Variants in NRXN3 observed in about 807,000 individuals in gnomAD.
NRXN3 encodes the protein neurexin 3, also known as neurexin III.
In NRXN3, 32 loss-of-function variants were observed where a neutral mutation model predicts 137.6. That is an observed-to-expected ratio of 0.23 (90% CI 0.18 to 0.31). The LOEUF (loss-of-function observed/expected upper bound fraction) is 0.31, where lower values mean the gene tolerates loss of function less well. Ranked by LOEUF, NRXN3 falls within the 10% of genes least tolerant of loss-of-function variation. The probability of loss-of-function intolerance (pLI) is 1.00; values close to 1 mark genes in which losing one functional copy is unlikely to be tolerated. For synonymous variants in NRXN3, 798 were observed against 784.5 expected, an observed-to-expected ratio of 1.02 and a Z score of -0.29; for missense variants, 1,574 against 2,062.5, an observed-to-expected ratio of 0.76 and a Z score of 4.59.
chr14:78,506,490 G>A (rs189086654), intron 4 of NRXN3, among the ~76,000 whole-genome samples: 4 of 152,066 alleles, frequency 2.6e-5, no homozygotes, highest in Admixed American at 6.5e-5. Flanking sequence ...CTTTTGAGTA[G>A]CCTTCATACT....
intron 15 of NRXN3, among the ~76,000 whole-genome samples, chr14:79,215,274 C>T (rs1185709200): frequency 2.6e-5 from 4 of 152,074 alleles, no homozygotes; most frequent in African/African-American, 9.7e-5. Flanking sequence ...AAAGGCAGGG[C>T]TTTGTCATAT....
chr14:78,967,210 A>G lies in NRXN3; in HGVS notation c.2780A>G (p.Tyr927Cys). 2.5e-6 allele frequency: 4 copies of G among 1,601,204 alleles called. No homozygotes were observed. The highest frequency in any genetic ancestry group is 1.1e-5 in the South Asian group (1 of 90,012). ...DFIAVELVKG[Y>C]IHYVFDLGNG... ...TTTTTTTTTTTTTTTCTTCCTAGGT[A>G]TATACACTACGTTTTTGACCTCGGA... Residue 927 changes from tyrosine (Y) to cysteine (C), a missense_variant and splice_region_variant, in exon 13 of 21, where the codon TAT becomes TGT. Tyr to Cys is a radical substitution (Grantham distance 194). Coordinates refer to ENST00000335750, the MANE Select transcript of NRXN3 (RefSeq NM_001330195.2).
chr14:78,547,350 C>T (rs1410344036), intron 4 of NRXN3, among the ~76,000 whole-genome samples: 24 of 151,962 alleles, frequency 1.6e-4, no homozygotes, highest in African/African-American at 4.8e-4. Context: ...GGATTACAGG[C>T]GCCCGCTACC....
At chr14:79,456,071 G>A (rs547790459) in intron 15 of NRXN3, among the ~76,000 whole-genome samples, 1 of 152,036 alleles carries the variant, frequency 6.6e-6, no homozygotes, top group East Asian at 1.9e-4. Flanking sequence ...TTAGGTTTTG[G>A]TCTTTTTTAC....
chr14:79,001,730 C>A (rs144300383), intron 15 of NRXN3, among the ~76,000 whole-genome samples: 1 of 152,154 alleles, frequency 6.6e-6, no homozygotes, highest in Admixed American at 6.5e-5. Flanking sequence ...TTAGCGTGGA[C>A]CTGAGAGTAA....
intron 14 of NRXN3, among the ~76,000 whole-genome samples, chr14:78,986,875 T>C (rs2099507402): frequency 6.6e-6 from 1 of 151,742 alleles, no homozygotes; most frequent in African/African-American, 2.4e-5. Flanking sequence ...ACAAAAAAAT[T>C]AGCTGAGTGT....
chr14:79,848,223 G>C (rs1226149357), intron 20 of NRXN3, among the ~76,000 whole-genome samples: 1 of 152,150 alleles, frequency 6.6e-6, no homozygotes, highest in East Asian at 1.9e-4. Context: ...CAACCAGAAA[G>C]GACAGTGCAA....
chr14:78,769,169 C>G (rs1481257031), intron 8 of NRXN3, among the ~76,000 whole-genome samples: 1 of 152,206 alleles, frequency 6.6e-6, no homozygotes, highest in East Asian at 1.9e-4. Context: ...AAAAGACACT[C>G]TCCTCCCTGT....
intron 15 of NRXN3, among the ~76,000 whole-genome samples, chr14:79,351,302 C>T (rs1311791961): frequency 6.6e-6 from 1 of 152,104 alleles, no homozygotes; most frequent in African/African-American, 2.4e-5. Context: ...CATTCTTTTT[C>T]TGGTGGAATG....
intron 15 of NRXN3, among the ~76,000 whole-genome samples, chr14:79,121,089 A>G (rs922593472): frequency 6.6e-6 from 1 of 152,232 alleles, no homozygotes; most frequent in Non-Finnish European, 1.5e-5. Context: ...ATGGGCCCAT[A>G]GATCTTTCAA....
chr14:79,410,557 T>G lies in NRXN3; in HGVS notation c.3263-56664T>G, dbSNP rs144604609. 8.6e-3 allele frequency among the ~76,000 whole-genome samples: 1,311 copies of G among 152,048 alleles called. 14 individuals carry two copies. The highest frequency in any genetic ancestry group is 0.03 in the African/African-American group (1,236 of 41,476). ...CCAGAAGGACAATATCAAGTAATAA[T>G]TAAAGTTATAAGCTCTTGGTTTGAA... On this transcript the variant is annotated intron_variant, in intron 15 of 20. Transcript: ENST00000335750.
intron 15 of NRXN3, among the ~76,000 whole-genome samples, chr14:79,212,306 T>C (rs572193729): frequency 6.6e-6 from 1 of 152,346 alleles, no homozygotes; most frequent in South Asian, 2.1e-4. Flanking sequence ...CTTTCTAGGC[T>C]TCTTTGGAGA....
chr14:79,298,876 A>C (rs185334418), intron 15 of NRXN3: 1 of 152,392 alleles, frequency 6.6e-6, no homozygotes, highest in Admixed American at 6.5e-5. Context: ...CAGAGGAAGA[A>C]GTGAGGATGC....
chr14:79,237,694 C>T (rs186016708), intron 15 of NRXN3, among the ~76,000 whole-genome samples: 2 of 152,130 alleles, frequency 1.3e-5, no homozygotes, highest in Non-Finnish European at 2.9e-5. Flanking sequence ...CAAAGAGATA[C>T]AACTCATCCA....
chr14:79,425,140 T>C (rs1024069563), intron 15 of NRXN3, among the ~76,000 whole-genome samples: 1 of 152,186 alleles, frequency 6.6e-6, no homozygotes, highest in Admixed American at 6.5e-5. Context: ...TTTGGGACTT[T>C]TAACTCCCCT....
intron 10 of NRXN3, among the ~76,000 whole-genome samples, chr14:78,854,599 T>G (rs1367714131): frequency 6.6e-6 from 1 of 152,194 alleles, no homozygotes; most frequent in South Asian, 2.1e-4. Flanking sequence ...TTTAAGTGTG[T>G]GTATAAGTAT....
At chr14:79,047,176 C>T (rs1383870826) in intron 15 of NRXN3, among the ~76,000 whole-genome samples, 2 of 148,130 alleles carry the variant, frequency 1.4e-5, no homozygotes, top group Non-Finnish European at 3.0e-5. Context: ...CCACCAACAA[C>T]CCACTTTTAG....
At chr14:78,314,980 TTCC>T (rs1567235875) in intron 4 of NRXN3, among the ~76,000 whole-genome samples, 59 of 94,256 alleles carry the variant, frequency 6.3e-4, no homozygotes, top group African/African-American at 2.6e-3. Flanking sequence ...CCTTCCTTCC[TTCC>T]TTCCTTTCTC....
chr14:78,713,169 G>C (rs1406442704), intron 7 of NRXN3, among the ~76,000 whole-genome samples: 1 of 152,186 alleles, frequency 6.6e-6, no homozygotes, highest in Non-Finnish European at 1.5e-5. Flanking sequence ...TTTAGGACTA[G>C]AATCCCTGCT....
Sources: allele counts gnomAD v4.1 joint callset (sites outside exome capture counted in the v4.1 genomes callset), GRCh38; gene constraint gnomAD v4.1.1; transcripts MANE v1.5; gene names NCBI Gene and HGNC (gene_info 2026-07-23, HGNC 2026-07-21).